TTC27: variants seen among roughly 807,000 people sequenced by gnomAD.
TTC27 encodes tetratricopeptide repeat protein 27.
A neutral mutation model predicts 115.9 loss-of-function variants in TTC27; 79 were observed. The observed-to-expected ratio is 0.68, with a 90% CI of 0.57 to 0.82. The LOEUF (loss-of-function observed/expected upper bound fraction) is 0.82. Among genes scored for constraint, TTC27 ranks in the 40% least tolerant of loss-of-function variants. The pLI, the probability that TTC27 is intolerant of heterozygous loss-of-function variation, is 0.00. For missense variants in TTC27, 1,054 were observed against 993.1 expected (o/e 1.06, Z -0.82); for synonymous variants, 401 against 356.0 (o/e 1.13, Z -1.42).
chr2:32,638,144 G>T (rs1455004894), intron 3 of TTC27, among the ~76,000 whole-genome samples: 1 of 152,144 alleles, frequency 6.6e-6, no homozygotes, highest in South Asian at 2.1e-4. Flanking sequence ...AATTTTTATG[G>T]ATCTGTTTCC....
chr2:32,759,336 C>T (rs1669354666), intron 13 of TTC27, among the ~76,000 whole-genome samples: 1 of 152,182 alleles, frequency 6.6e-6, no homozygotes, highest in Non-Finnish European at 1.5e-5. Context: ...TTACTATGAG[C>T]CAGGTAATTC....
At chr2:32,719,960 T>G (rs186651541) in intron 10 of TTC27, among the ~76,000 whole-genome samples, 1 of 152,338 alleles carries the variant, frequency 6.6e-6, no homozygotes, top group East Asian at 1.9e-4. Flanking sequence ...CCATTCTAAA[T>G]TTTATGAGAG....
rs140557591 is a variant in TTC27, at chr2:32,758,281, G to T, written c.1453-11G>T. The T allele has an allele frequency of 1.9e-3, 3,129 of 1,610,994 alleles. 59 individuals are homozygous for T. The African/African-American group carries it at 0.037, about 19-fold the overall frequency. On this transcript the variant is annotated splice_polypyrimidine_tract_variant and intron_variant, in intron 12 of 19. Transcript: ENST00000317907. The stretch of plus-strand genomic sequence containing the variant: ...ACTCTTAAGCAATTTCATTATTTCT[G>T]TTGTTTCTAGGCAGAAGAAATCCTT...
chr2:32,760,137 T>C (rs1239891427), intron 13 of TTC27, among the ~76,000 whole-genome samples: 1 of 152,228 alleles, frequency 6.6e-6, no homozygotes, highest in Admixed American at 6.5e-5. Context: ...GTGCATTTTC[T>C]TATGCTGGAT....
At chr2:32,783,307 C>G (rs1276351413) in intron 15 of TTC27, among the ~76,000 whole-genome samples, 1 of 152,074 alleles carries the variant, frequency 6.6e-6, no homozygotes, top group Non-Finnish European at 1.5e-5. Context: ...GAATGTTGGA[C>G]TCAAGCAGAA....
chr2:32,755,998 A>G (rs1669220408), intron 12 of TTC27, among the ~76,000 whole-genome samples: 1 of 152,214 alleles, frequency 6.6e-6, no homozygotes, highest in African/African-American at 2.4e-5. Flanking sequence ...ATGGACTACC[A>G]GTGTTTAACC....
At chr2:32,725,440 C>T (rs1226441749) in intron 10 of TTC27, among the ~76,000 whole-genome samples, 1 of 152,240 alleles carries the variant, frequency 6.6e-6, no homozygotes, top group South Asian at 2.1e-4. Flanking sequence ...CTATGGGCCC[C>T]ATGCAAGTCC....
intron 10 of TTC27, among the ~76,000 whole-genome samples, chr2:32,710,928 A>G (rs1667553910): frequency 6.6e-6 from 1 of 151,384 alleles, no homozygotes; most frequent in African/African-American, 2.4e-5. Flanking sequence ...AGCCTGGCCA[A>G]CATGGTGAGA....
intron 7 of TTC27, among the ~76,000 whole-genome samples, chr2:32,667,617 T>C (rs1225782337): frequency 6.6e-6 from 1 of 151,234 alleles, no homozygotes; most frequent in Non-Finnish European, 1.5e-5. Context: ...GGTTTCTCCA[T>C]GTTGGTCAGG....
At chr2:32,759,037 T>G (rs1338116014) in intron 13 of TTC27, among the ~76,000 whole-genome samples, 1 of 152,178 alleles carries the variant, frequency 6.6e-6, no homozygotes, top group Non-Finnish European at 1.5e-5. Context: ...TGCGAAAGGG[T>G]CTGGATCTTT....
intron 16 of TTC27, among the ~76,000 whole-genome samples, chr2:32,798,481 A>C (rs1459110612): frequency 6.6e-6 from 1 of 151,966 alleles, no homozygotes; most frequent in Non-Finnish European, 1.5e-5. Flanking sequence ...AGGCGGGCGG[A>C]TCACGAGGTC....
intron 12 of TTC27, among the ~76,000 whole-genome samples, chr2:32,749,061 A>G (rs1668923581): frequency 6.6e-6 from 1 of 152,106 alleles, no homozygotes; most frequent in South Asian, 2.1e-4. Flanking sequence ...TAGTAAGTCT[A>G]ATATCTGGGC....
chr2:32,677,749 G>A (rs1310669745), intron 8 of TTC27, among the ~76,000 whole-genome samples: 5 of 152,114 alleles, frequency 3.3e-5, no homozygotes, highest in African/African-American at 9.7e-5. Flanking sequence ...CACCGTGCCC[G>A]GCCCAAATTG....
chr2:32,667,338 T>C (rs1355676120), intron 7 of TTC27, among the ~76,000 whole-genome samples: 1 of 151,986 alleles, frequency 6.6e-6, no homozygotes, highest in Non-Finnish European at 1.5e-5. Flanking sequence ...TACCTAATTA[T>C]AGTCCACTCC....
chr2:32,653,602 A>C (rs1290432615), intron 5 of TTC27, among the ~76,000 whole-genome samples: 1 of 151,218 alleles, frequency 6.6e-6, no homozygotes, highest in Non-Finnish European at 1.5e-5. Context: ...TCAAAAAAAA[A>C]AAAACAAAAA....
At chr2:32,635,771 G>T (rs1408711382) in intron 3 of TTC27, among the ~76,000 whole-genome samples, 1 of 151,954 alleles carries the variant, frequency 6.6e-6, no homozygotes, top group Non-Finnish European at 1.5e-5. Context: ...TTGATGGGGG[G>T]GTAGAAAGAG....
At chr2:32,768,080 C>CA (rs1403407974) in intron 13 of TTC27, among the ~76,000 whole-genome samples, 2 of 152,180 alleles carry the variant, frequency 1.3e-5, no homozygotes, top group East Asian at 3.9e-4. Context: ...ATGACTAAAA[C>CA]ACTGATTAAA....
At chr2:32,682,438 T>C (rs1666463496) in intron 9 of TTC27, among the ~76,000 whole-genome samples, 1 of 152,166 alleles carries the variant, frequency 6.6e-6, no homozygotes, top group Admixed American at 6.5e-5. Context: ...TGCTAGTTTG[T>C]AGTAAAGCAT....
intron 4 of TTC27, among the ~76,000 whole-genome samples, chr2:32,645,201 C>T (rs1322924629): frequency 1.3e-5 from 2 of 152,096 alleles, no homozygotes; most frequent in African/African-American, 2.4e-5. Flanking sequence ...CCCACAACCC[C>T]TAATCTGTGA....
Sources: allele counts gnomAD v4.1 joint callset (sites outside exome capture counted in the v4.1 genomes callset), GRCh38; gene constraint gnomAD v4.1.1; transcripts MANE v1.5; gene names NCBI Gene and HGNC (gene_info 2026-07-23, HGNC 2026-07-21).